DCC: variants seen among roughly 807,000 people sequenced by gnomAD.
DCC encodes DCC netrin 1 receptor.
In DCC, 58 loss-of-function variants were observed where a neutral mutation model predicts 172.5. The ratio of observed to expected loss-of-function variants is 0.34; its 90% CI spans 0.27 to 0.42. The LOEUF (loss-of-function observed/expected upper bound fraction) is 0.42. Among genes scored for constraint, DCC ranks in the 10% least tolerant of loss-of-function variants. The pLI is 1.00. For synonymous variants in DCC, 709 were observed against 644.5 expected (o/e 1.10, Z -1.52); for missense variants, 1,740 against 1,791.0 (o/e 0.97, Z 0.51).
At chr18:52,531,990 A>G (rs2032163997) in intron 1 of DCC, among the ~76,000 whole-genome samples, 1 of 152,176 alleles carries the variant, frequency 6.6e-6, no homozygotes, top group African/African-American at 2.4e-5. Flanking sequence ...CATTTCCATA[A>G]CCACCTCCTC....
chr18:52,601,871 T>G (rs2034024699), intron 1 of DCC, among the ~76,000 whole-genome samples: 1 of 152,090 alleles, frequency 6.6e-6, no homozygotes, highest in East Asian at 1.9e-4. Flanking sequence ...GAGTCCTGAA[T>G]AGTCACTGGG....
At chr18:52,703,064 C>T (rs183410691) in intron 1 of DCC, among the ~76,000 whole-genome samples, 1 of 152,306 alleles carries the variant, frequency 6.6e-6, no homozygotes, top group East Asian at 1.9e-4. Flanking sequence ...TCCTTTGCTT[C>T]AGGATCATAG....
chr18:53,289,761 C>T (rs577841828), intron 12 of DCC, among the ~76,000 whole-genome samples: 5 of 152,198 alleles, frequency 3.3e-5, no homozygotes, highest in African/African-American at 4.8e-5. Flanking sequence ...GTGCATCTGA[C>T]GTGATGCTTC....
intron 1 of DCC, among the ~76,000 whole-genome samples, chr18:52,481,753 T>C (rs1399524403): frequency 6.6e-6 from 1 of 152,066 alleles, no homozygotes; most frequent in Non-Finnish European, 1.5e-5. Context: ...GCTGTGTATG[T>C]TGCCTCAAGG....
chr18:53,090,935 G>T (rs985335458), intron 7 of DCC, among the ~76,000 whole-genome samples: 1 of 151,802 alleles, frequency 6.6e-6, no homozygotes, highest in Non-Finnish European at 1.5e-5. Flanking sequence ...CATGTGTCCT[G>T]GGGTTCCTGA....
At chr18:52,935,546 T>G (rs1204188297) in intron 5 of DCC, among the ~76,000 whole-genome samples, 7 of 152,130 alleles carry the variant, frequency 4.6e-5, no homozygotes, top group African/African-American at 1.7e-4. Context: ...TTGATATGGC[T>G]TTTTTCCTTT....
intron 1 of DCC, among the ~76,000 whole-genome samples, chr18:52,471,283 G>A (rs930205083): frequency 6.6e-6 from 1 of 152,154 alleles, no homozygotes; most frequent in Non-Finnish European, 1.5e-5. Context: ...CCAGGAAGCC[G>A]AGGCTGCAGT....
chr18:53,033,174 A>G (rs980381368), intron 5 of DCC, among the ~76,000 whole-genome samples: 2 of 152,242 alleles, frequency 1.3e-5, no homozygotes, highest in African/African-American at 2.4e-5. Context: ...AGTGTAATGA[A>G]GGAACTCAAC....
chr18:52,663,968 T>G (rs544007980), intron 1 of DCC, among the ~76,000 whole-genome samples: 37 of 152,260 alleles, frequency 2.4e-4, no homozygotes, highest in African/African-American at 8.9e-4. Context: ...AATGTTAAAG[T>G]GGAAACATCA....
chr18:53,460,731 C>T (rs2045547744), intron 24 of DCC, among the ~76,000 whole-genome samples: 1 of 152,076 alleles, frequency 6.6e-6, no homozygotes, highest in Non-Finnish European at 1.5e-5. Context: ...AATAATGCCT[C>T]AATAAACATA....
chr18:53,222,503 G>C (rs1255969761), intron 12 of DCC, among the ~76,000 whole-genome samples: 4 of 148,946 alleles, frequency 2.7e-5, no homozygotes, highest in African/African-American at 7.4e-5. Flanking sequence ...TTCTGTCTCA[G>C]CCTCCTGAGT....
intron 1 of DCC, among the ~76,000 whole-genome samples, chr18:52,468,477 G>C (rs1272133245): frequency 1.3e-5 from 2 of 152,100 alleles, no homozygotes; most frequent in African/African-American, 4.8e-5. Context: ...AATTTCATTG[G>C]CCAACCTCAT....
At chr18:53,255,651 TGG>T in intron 12 of DCC, among the ~76,000 whole-genome samples, 1 of 152,134 alleles carries the variant, frequency 6.6e-6, no homozygotes, top group Non-Finnish European at 1.5e-5. Flanking sequence ...TCTTTGCTAT[TGG>T]GAATAGTGCC....
intron 1 of DCC, among the ~76,000 whole-genome samples, chr18:52,541,875 G>GTGTATATATATATATATA (rs1555695194): frequency 2.3e-4 from 26 of 115,184 alleles, no homozygotes; most frequent in African/African-American, 3.0e-4. Context: ...GTGTGTGTGT[G>GTGTATATATATATATATA]TATATATATA....
rs573494536 is a variant in DCC at position 52,438,094 on chromosome 18, A to C, written c.91+97216A>C. On this transcript the variant is annotated intron_variant, in intron 1 of 28. Coordinates refer to ENST00000442544, the MANE Select transcript of DCC (RefSeq NM_005215.4). ...GATGCCACTGTTATTGCTGCTAACC[A>C]TTCCCAGTTTCAAAAAACAGATCCC... Among the ~76,000 whole-genome samples the C allele has an allele frequency of 3.3e-5, 5 of 152,320 alleles. 1 individual carries two copies. Among genetic ancestry groups the C allele is most frequent in the African/African-American group, 9.6e-5 (4 of 41,582 alleles).
chr18:52,434,896 C>G (rs1222843775), intron 1 of DCC, among the ~76,000 whole-genome samples: 1 of 152,196 alleles, frequency 6.6e-6, no homozygotes, highest in Non-Finnish European at 1.5e-5. Context: ...GCATATATTC[C>G]TCATACCAGT....
intron 25 of DCC, among the ~76,000 whole-genome samples, chr18:53,471,169 T>G (rs372216402): frequency 2.0e-5 from 3 of 152,130 alleles, no homozygotes; most frequent in Non-Finnish European, 4.4e-5. Context: ...ACTATTCGTA[T>G]TTTTTGTGGG....
At chr18:52,898,576 T>A (rs1054789136) in intron 2 of DCC, among the ~76,000 whole-genome samples, 1 of 152,204 alleles carries the variant, frequency 6.6e-6, no homozygotes, top group Non-Finnish European at 1.5e-5. Flanking sequence ...AGTGTGTGTA[T>A]GCTTGGGTGG....
chr18:52,792,838 C>G (rs200912519), intron 2 of DCC, among the ~76,000 whole-genome samples: 3 of 150,736 alleles, frequency 2.0e-5, no homozygotes, highest in African/African-American at 7.3e-5. Flanking sequence ...CCATTCTATT[C>G]CATTCCATTC....
Sources: allele counts gnomAD v4.1 joint callset (sites outside exome capture counted in the v4.1 genomes callset), GRCh38; gene constraint gnomAD v4.1.1; transcripts MANE v1.5; gene names NCBI Gene and HGNC (gene_info 2026-07-23, HGNC 2026-07-21).